GOLPH3: variants seen among roughly 807,000 people sequenced by gnomAD.
GOLPH3 encodes the protein coat protein GPP34.
GOLPH3 carries 14 observed loss-of-function variants against 28.5 expected under a neutral mutation model. The ratio of observed to expected loss-of-function variants is 0.49; its 90% confidence interval spans 0.32 to 0.77. GOLPH3 has a LOEUF of 0.77. Among genes scored for constraint, GOLPH3 ranks in the 30% least tolerant of loss-of-function variants. The probability of loss-of-function intolerance (pLI) is 0.03; values close to 1 mark genes in which losing one functional copy is unlikely to be tolerated. For synonymous variants in GOLPH3, 158 were observed against 159.2 expected (o/e 0.99, Z 0.06); for missense variants, 350 against 393.7 (o/e 0.89, Z 0.94).
intron 3 of GOLPH3, among the ~76,000 whole-genome samples, chr5:32,132,322 G>C (rs1257481469): frequency 3.9e-5 from 6 of 152,112 alleles, no homozygotes; most frequent in Admixed American, 3.9e-4. Flanking sequence ...CTCCACCCCA[G>C]GTAAAGAAAC....
At chr5:32,149,279 A>G (rs185287120) in intron 1 of GOLPH3, among the ~76,000 whole-genome samples, 1 of 152,366 alleles carries the variant, frequency 6.6e-6, no homozygotes, top group African/African-American at 2.4e-5. Flanking sequence ...TACACGGAAT[A>G]GCATGTTTGT....
intron 2 of GOLPH3, among the ~76,000 whole-genome samples, chr5:32,139,491 A>G (rs2111849403): frequency 1.3e-5 from 2 of 152,292 alleles, no homozygotes; most frequent in East Asian, 3.9e-4. Context: ...AATTTCCCTA[A>G]ACAAGTTTTA....
chr5:32,156,625 G>A (rs1746435148), intron 1 of GOLPH3, among the ~76,000 whole-genome samples: 1 of 152,204 alleles, frequency 6.6e-6, no homozygotes, highest in African/African-American at 2.4e-5. Context: ...CGGCGGGGGG[G>A]ATGGTTTTGG....
intron 2 of GOLPH3, among the ~76,000 whole-genome samples, chr5:32,139,504 C>T (rs906618085): frequency 1.3e-5 from 2 of 152,164 alleles, no homozygotes; most frequent in Non-Finnish European, 1.5e-5. Flanking sequence ...AAGTTTTAGC[C>T]TTTTCAATCC....
Position 32,126,183 on chromosome 5 carries a change from G to A in GOLPH3, c.*29C>T. ...AGAAAAACTACTGGTTTACTTGAGA[G>A]AAAGGAGAATGGTTCACCCCGAGCA... On this transcript the variant is annotated 3_prime_UTR_variant, in exon 4 of 4. Transcript: ENST00000265070. 1 of 1,577,560 alleles carries A rather than the reference G, an allele frequency of 6.3e-7. No individual in the cohort carries two copies. The highest frequency in any genetic ancestry group is 1.2e-5 in the South Asian group (1 of 86,436).
intron 1 of GOLPH3, among the ~76,000 whole-genome samples, chr5:32,148,235 A>G (rs769548269): frequency 3.3e-5 from 5 of 152,168 alleles, no homozygotes; most frequent in Non-Finnish European, 5.9e-5. Context: ...TCTATATATT[A>G]CTTCCATCTT....
intron 1 of GOLPH3, among the ~76,000 whole-genome samples, chr5:32,172,352 T>C (rs1287415248): frequency 2.0e-5 from 3 of 152,086 alleles, no homozygotes; most frequent in Non-Finnish European, 4.4e-5. Flanking sequence ...TTACGTTGTT[T>C]TGTAAGACTT....
intron 1 of GOLPH3, among the ~76,000 whole-genome samples, chr5:32,152,449 A>T (rs1284429063): frequency 4.0e-5 from 4 of 100,762 alleles, no homozygotes; most frequent in Middle Eastern, 5.0e-3. Context: ...TTTTTTTTTT[A>T]AACTACATGA....
chr5:32,173,832 A>C lies in GOLPH3; in HGVS notation c.203T>G (p.Leu68Arg). The C allele has an allele frequency of 6.7e-7, 1 of 1,497,590 alleles. No homozygotes were observed. Among genetic ancestry groups the C allele is most frequent in the Non-Finnish European group, 8.9e-7 (1 of 1,124,146 alleles). 92.8% of individuals were successfully genotyped at this position (1,497,590 alleles called of 1,614,324 possible). A position where few individuals can be genotyped will look rare whatever the true frequency, so the allele number is the denominator to read the frequency against. The change falls in exon 1 of 4, where the codon CTG becomes CGG. Residue 68 changes from leucine to arginine, a missense_variant. Physicochemically the swap from Leu to Arg is moderately radical, Grantham distance 102. Transcript: ENST00000265070. ...CACCTCGCGGTCCTTGAGGCCCAGC[A>C]GGAGCACTTCCTCCATCAGGGTCAG... Reference protein sequence around the residue: ...TRLTLMEEVLLLGLKDREGYT... With the variant: ...TRLTLMEEVLRLGLKDREGYT...
At chr5:32,133,739 AT>A (rs1354471479) in intron 3 of GOLPH3, among the ~76,000 whole-genome samples, 1 of 152,238 alleles carries the variant, frequency 6.6e-6, no homozygotes, top group African/African-American at 2.4e-5. Flanking sequence ...ATTTGTGATG[AT>A]TAAGTGAATT....
intron 1 of GOLPH3, among the ~76,000 whole-genome samples, chr5:32,167,129 T>G (rs929457794): frequency 6.6e-6 from 1 of 152,186 alleles, no homozygotes; most frequent in Non-Finnish European, 1.5e-5. Flanking sequence ...ATCCCCCAAA[T>G]ATTTCAAAAT....
At chr5:32,149,856 G>A (rs1746267270) in intron 1 of GOLPH3, among the ~76,000 whole-genome samples, 1 of 152,100 alleles carries the variant, frequency 6.6e-6, no homozygotes, top group South Asian at 2.1e-4. Context: ...AATTAGCCAG[G>A]TGTGGTGGCT....
chr5:32,173,820 T>C lies in GOLPH3; in HGVS notation c.215A>G (p.Lys72Arg). The change falls in exon 1 of 4, where the codon AAG becomes AGG. Residue 72 changes from lysine to arginine, a missense_variant. Lys to Arg is a conservative substitution (Grantham distance 26). Coordinates refer to ENST00000265070, the MANE Select transcript of GOLPH3 (RefSeq NM_022130.4). ...CCGCCGCGCCCGCACCTCGCGGTCC[T>C]TGAGGCCCAGCAGGAGCACTTCCTC... ...LMEEVLLLGLKDREGYTSFWN... is the reference protein window; with the variant it reads ...LMEEVLLLGLRDREGYTSFWN... 6.8e-7 allele frequency: 1 copy of C among 1,474,688 alleles called. No homozygotes were observed. The allele number at this position is 1,474,688 out of a possible 1,614,324, so 91.4% of individuals were successfully genotyped here. A position where few individuals can be genotyped will look rare whatever the true frequency, so the allele number is the denominator to read the frequency against.
At chr5:32,153,582 T>C (rs999198177) in intron 1 of GOLPH3, among the ~76,000 whole-genome samples, 1 of 152,216 alleles carries the variant, frequency 6.6e-6, no homozygotes, top group Non-Finnish European at 1.5e-5. Context: ...CAATTAGTAG[T>C]AATGTTGACA....
intron 2 of GOLPH3, among the ~76,000 whole-genome samples, chr5:32,142,541 C>T (rs906491327): frequency 2.1e-5 from 3 of 145,694 alleles, no homozygotes; most frequent in Admixed American, 1.3e-4. Context: ...GCCCGGCCGC[C>T]CCTACTGGGA....
intron 1 of GOLPH3, among the ~76,000 whole-genome samples, chr5:32,156,398 G>C (rs1363437684): frequency 3.9e-5 from 6 of 152,000 alleles, no homozygotes; most frequent in Non-Finnish European, 8.8e-5. Context: ...AGCTACTTGG[G>C]AGGCTGAGGC....
intron 3 of GOLPH3, among the ~76,000 whole-genome samples, chr5:32,127,379 TA>T (rs1156313349): frequency 6.6e-6 from 1 of 152,196 alleles, no homozygotes; most frequent in Non-Finnish European, 1.5e-5. Flanking sequence ...TTTTTATACT[TA>T]AAAAAACTAT....
rs958371916 is a variant in GOLPH3 at position 32,174,047 on chromosome 5, G to T, written c.-13C>A. The T allele has an allele frequency of 4.2e-5, 54 of 1,273,200 alleles. No individual in the cohort carries two copies. The highest frequency in any genetic ancestry group is 6.9e-6 in the Non-Finnish European group (7 of 1,015,328). The allele number at this position is 1,273,200 out of a possible 1,614,324, so 78.9% of individuals were successfully genotyped here. A position where few individuals can be genotyped will look rare whatever the true frequency, so the allele number is the denominator to read the frequency against. On this transcript the variant is annotated 5_prime_UTR_variant, in exon 1 of 4. Transcript: ENST00000265070. ...TCAGCGAGGTCATGGCTCCCGCCGAGGCGCCGAGCCGGGCCGAGAGGGTCG... is the reference window on the plus strand; with the variant it reads ...TCAGCGAGGTCATGGCTCCCGCCGATGCGCCGAGCCGGGCCGAGAGGGTCG...
chr5:32,173,321 CAG>C (rs1188336136), intron 1 of GOLPH3, among the ~76,000 whole-genome samples: 2 of 151,888 alleles, frequency 1.3e-5, no homozygotes, highest in Non-Finnish European at 2.9e-5. Flanking sequence ...TAATTCCCAA[CAG>C]TAAGCTTTAA....
Sources: gnomAD v4.1 joint callset for allele counts (sites outside exome capture counted in the v4.1 genomes callset) on GRCh38, gnomAD v4.1.1 for gene constraint, MANE v1.5 for transcripts, NCBI Gene and HGNC (gene_info 2026-07-23, HGNC 2026-07-21) for gene names.